TXNDC11: variants seen among roughly 807,000 people sequenced by gnomAD.
TXNDC11 encodes thioredoxin domain containing 11, also known as thioredoxin domain-containing protein 11.
A neutral mutation model predicts 78.0 loss-of-function variants in TXNDC11; 68 were observed. The observed-to-expected ratio is 0.87, with a 90% CI of 0.72 to 1.07. TXNDC11 has a LOEUF of 1.07. Among genes scored for constraint, TXNDC11 ranks in the 50% least tolerant of loss-of-function variants. The pLI is 0.00. For synonymous variants in TXNDC11, 571 were observed against 495.2 expected (o/e 1.15, Z -2.03); for missense variants, 1,389 against 1,221.8 (o/e 1.14, Z -2.04).
chr16:11,698,096 T>G, intron 7 of TXNDC11, 29 bp downstream of exon 7: 1 of 1,609,464 alleles, frequency 6.2e-7, no homozygotes, highest in South Asian at 1.1e-5. Flanking sequence ...CTACTCCTCA[T>G]GAGGTGCTTT....
chr16:11,700,731 C>T (rs371612629), intron 5 of TXNDC11, among the ~76,000 whole-genome samples, 167 bp from the exon 6 acceptor site: 27 of 152,182 alleles, frequency 1.8e-4, no homozygotes, highest in African/African-American at 4.6e-4. Flanking sequence ...CTCCTGAAAC[C>T]GACCTCGGCC....
At position 11,684,170 on chromosome 16, in the gene TXNDC11, G is replaced by A. The variant is rs2050504643; in HGVS notation, c.2229C>T (p.Cys743=). 13 of 1,613,278 alleles carry A rather than the reference G, an allele frequency of 8.1e-6. No individual in the cohort carries two copies. Among genetic ancestry groups the A allele is most frequent in the South Asian group, 1.1e-5 (1 of 91,038 alleles). Residue 743 remains cysteine (C), a synonymous_variant, in exon 11 of 12, where the codon TGC becomes TGT. Transcript: ENST00000283033. ...DRLPTVLFFP[C]NRKDLSVKYP... The stretch of plus-strand genomic sequence containing the variant: ...TGACAAAAATTTGGCATTACCTGTT[G>A]CAGGGAAAAAACAAGACAGTAGGAA...
chr16:11,715,014 G>A (rs1413860691), intron 5 of TXNDC11, among the ~76,000 whole-genome samples: 6 of 152,296 alleles, frequency 3.9e-5, no homozygotes, highest in African/African-American at 1.2e-4. Flanking sequence ...ACTTTGGGAG[G>A]CCAAAGCGGG....
intron 5 of TXNDC11, among the ~76,000 whole-genome samples, chr16:11,707,948 A>G (rs528056296): frequency 6.6e-6 from 1 of 151,984 alleles, no homozygotes; most frequent in South Asian, 2.1e-4. Context: ...GCTGAGCGTG[A>G]TGATGTAAGC....
chr16:11,733,188 G>A lies in TXNDC11; in HGVS notation c.569+794C>T, dbSNP rs565196866. On this transcript the variant is annotated intron_variant, in intron 3 of 11. Coordinates refer to ENST00000283033, the MANE Select transcript of TXNDC11 (RefSeq NM_015914.7). ...AGGAGAACGGCTTGAACCCTGAGGC[G>A]GAGGCTGCAGTGAGCCGAGATTGCA... Among the ~76,000 whole-genome samples the A allele has an allele frequency of 3.0e-3, 455 of 151,956 alleles. 6 individuals carry two copies. The highest frequency in any genetic ancestry group is 0.011 in the African/African-American group (436 of 41,420).
chr16:11,702,601 C>G (rs762110681), intron 5 of TXNDC11, among the ~76,000 whole-genome samples: 3 of 152,194 alleles, frequency 2.0e-5, no homozygotes, highest in Non-Finnish European at 4.4e-5. Flanking sequence ...ACCCAGGAGG[C>G]AGAGGTTGCC....
chr16:11,695,534 G>A (rs1452845590), intron 7 of TXNDC11, among the ~76,000 whole-genome samples: 3 of 152,122 alleles, frequency 2.0e-5, no homozygotes, highest in African/African-American at 4.8e-5. Flanking sequence ...TAAGTACAGC[G>A]TTCATCCTTC....
chr16:11,680,170 C>G (rs1026705767), intron 11 of TXNDC11, among the ~76,000 whole-genome samples: 4 of 152,332 alleles, frequency 2.6e-5, no homozygotes, highest in Non-Finnish European at 5.9e-5. Flanking sequence ...CATGGGGCCT[C>G]TGTGTGCTCG....
At chr16:11,739,423 C>T (rs1377058554) in intron 1 of TXNDC11, among the ~76,000 whole-genome samples, 1 of 152,096 alleles carries the variant, frequency 6.6e-6, no homozygotes, top group Non-Finnish European at 1.5e-5. Flanking sequence ...CTACTATACT[C>T]AGGAGGCTAA....
At chr16:11,733,899 C>T in intron 3 of TXNDC11, 83 bp downstream of exon 3, 2 of 950,462 alleles carry the variant, frequency 2.1e-6, no homozygotes, top group Admixed American at 2.1e-5. Flanking sequence ...ATATCTAATA[C>T]TTTAATATAG....
At chr16:11,726,910 AG>A (rs1032693865) in intron 4 of TXNDC11, among the ~76,000 whole-genome samples, 3 of 151,874 alleles carry the variant, frequency 2.0e-5, no homozygotes, top group African/African-American at 7.3e-5. Context: ...AAAAACAGCC[AG>A]GCGTGGAGGC....
intron 5 of TXNDC11, among the ~76,000 whole-genome samples, chr16:11,708,181 GATTC>G (rs1208534397): frequency 6.6e-6 from 1 of 152,118 alleles, no homozygotes; most frequent in East Asian, 1.9e-4. Context: ...GAAAAAGCAA[GATTC>G]ATTTATCTCA....
intron 4 of TXNDC11, among the ~76,000 whole-genome samples, chr16:11,727,611 G>A (rs1244281617): frequency 6.6e-6 from 1 of 151,932 alleles, no homozygotes; most frequent in African/African-American, 2.4e-5. Flanking sequence ...GAGTATCAGA[G>A]ACAGCTCTAC....
At chr16:11,711,050 CA>C (rs1291376924) in intron 5 of TXNDC11, among the ~76,000 whole-genome samples, 1 of 151,886 alleles carries the variant, frequency 6.6e-6, no homozygotes, top group South Asian at 2.1e-4. Flanking sequence ...GCTAGATAGT[CA>C]AGAGTTATTA....
In TXNDC11 at chr16:11,736,205, T is replaced by C; in HGVS notation, c.283A>G (p.Lys95Glu). The C allele has an allele frequency of 2.5e-6, 4 of 1,612,892 alleles. No homozygotes were observed. The highest frequency in any genetic ancestry group is 2.5e-6 in the Non-Finnish European group (3 of 1,179,344). Residue 95 changes from lysine to glutamate, a missense_variant, in exon 2 of 12, where the codon AAG becomes GAG. Lys to Glu is a moderately conservative substitution (Grantham distance 56). Transcript: ENST00000283033. Reference protein sequence around the residue: ...SRAKDVIIPAKPPVSFFSLRS... With the variant: ...SRAKDVIIPAEPPVSFFSLRS... The stretch of plus-strand genomic sequence containing the variant: ...AAGGAGAAAAAGCTGACAGGTGGCT[T>C]TGCTGGTATTATCACATCTTTTGCT...
chr16:11,686,102 G>A (rs933752433), intron 10 of TXNDC11, among the ~76,000 whole-genome samples: 2 of 152,170 alleles, frequency 1.3e-5, no homozygotes, highest in African/African-American at 4.8e-5. Flanking sequence ...GGGACTACAG[G>A]CACGTGCCGC....
intron 7 of TXNDC11, among the ~76,000 whole-genome samples, chr16:11,693,697 T>G (rs2050781055): frequency 2.0e-5 from 3 of 152,234 alleles, no homozygotes; most frequent in Admixed American, 2.0e-4. Context: ...AAGAAGTCAC[T>G]TTAGATGATA....
intron 5 of TXNDC11, among the ~76,000 whole-genome samples, chr16:11,712,156 A>G (rs12149831): frequency 0.27 from 41,358 of 152,152 alleles, 7,220 homozygotes; most frequent in Non-Finnish European, 0.39. Context: ...TCAATTTAAA[A>G]GGGTAGAAAA....
chr16:11,701,406 G>C (rs1009660051), intron 5 of TXNDC11, among the ~76,000 whole-genome samples: 2 of 152,000 alleles, frequency 1.3e-5, no homozygotes, highest in African/African-American at 4.8e-5. Flanking sequence ...CAAAGTGCCA[G>C]AATTACAGGT....
Sources: allele counts gnomAD v4.1 joint callset (sites outside exome capture counted in the v4.1 genomes callset), GRCh38; gene constraint gnomAD v4.1.1; transcripts MANE v1.5; gene names NCBI Gene and HGNC (gene_info 2026-07-23, HGNC 2026-07-21).